BCL9: variants seen among roughly 807,000 people sequenced by gnomAD.
BCL9 encodes the protein B-cell CLL/lymphoma 9 protein.
In BCL9, 25 loss-of-function variants were observed where a neutral mutation model predicts 88.5. The ratio of observed to expected loss-of-function variants is 0.28; its 90% confidence interval spans 0.21 to 0.39. BCL9 has a LOEUF of 0.39. BCL9 is among the 10% of genes least tolerant of loss of function. The pLI, the probability that BCL9 is intolerant of heterozygous loss-of-function variation, is 1.00. For missense variants in BCL9, 1,817 were observed against 1,877.8 expected (o/e 0.97, Z 0.60); for synonymous variants, 711 against 673.3 (o/e 1.06, Z -0.87).
intron 1 of BCL9, among the ~76,000 whole-genome samples, chr1:147,577,870 G>GTGTGTA (rs1318682168): frequency 3.3e-5 from 5 of 151,076 alleles, no homozygotes; most frequent in Non-Finnish European, 7.4e-5. Flanking sequence ...GTGTGTGTGT[G>GTGTGTA]TATAAATGTC....
Position 147,624,157 on chromosome 1 carries a change from G to A in BCL9, c.3479G>A (p.Gly1160Glu). 1 of 1,597,062 alleles carries A rather than the reference G, an allele frequency of 6.3e-7. No individual in the cohort carries two copies. Among genetic ancestry groups the A allele is most frequent in the Non-Finnish European group, 8.5e-7 (1 of 1,170,256 alleles). Reference protein sequence around the residue: ...QVPFPHNGPSGGQGSFPGGMG... With the variant: ...QVPFPHNGPSEGQGSFPGGMG... ...CCATTCCCTCACAATGGCCCCAGTG[G>A]GGGGCAGGGCAGCTTCCCAGGAGGG... Residue 1160 changes from glycine (G) to glutamate (E), a missense_variant, in exon 10 of 10, where the codon GGG becomes GAG. This residue lies in a region of BCL9 where 589 missense variants were observed against 686.2 expected (regional missense o/e 0.86). Coordinates refer to ENST00000234739, the MANE Select transcript of BCL9 (RefSeq NM_004326.4). This position sits in a 1 kb window ranked among gnomAD's most constrained non-coding sequence, Gnocchi z 4.4.
intron 1 of BCL9, among the ~76,000 whole-genome samples, chr1:147,587,582 A>G (rs1656672204): frequency 6.6e-6 from 1 of 151,430 alleles, no homozygotes. Flanking sequence ...CGTTTGTTTA[A>G]TTGAGTTGTA....
Position 147,622,342 on chromosome 1 carries a change from C to T in BCL9, c.2974C>T (p.Pro992Ser), listed in dbSNP as rs1337678941. The T allele has an allele frequency of 1.2e-6, 2 of 1,614,250 alleles. No individual in the cohort carries two copies. The highest frequency in any genetic ancestry group is 1.7e-5 in the Admixed American group (1 of 60,034). The change falls in exon 9 of 10, where the codon CCT becomes TCT. Residue 992 changes from proline (P) to serine (S), a missense_variant. By Grantham distance (74) the Pro-to-Ser change is moderately conservative. Around this residue, in one of 2 missense-constraint regions of BCL9, gnomAD observed 589 missense variants for 686.2 expected, o/e 0.86. Transcript: ENST00000234739. ...CCCTGGAAGTCTTCCCTCTAGTACA[C>T]CTTATACCATGCCTCCAGAGCCAAC... ...NIPGSLPSST[P>S]YTMPPEPTLS... is the part of the protein sequence containing the mutation.
chr1:147,622,233 A>G (rs1553205515), intron 8 of BCL9, 38 bp from the exon 9 acceptor site: 1 of 1,612,120 alleles, frequency 6.2e-7, no homozygotes, highest in Non-Finnish European at 8.5e-7. Flanking sequence ...AAGGAATCTA[A>G]TTCCCTGCCC....
chr1:147,609,977 A>T (rs1365578731), intron 3 of BCL9, among the ~76,000 whole-genome samples: 1 of 152,226 alleles, frequency 6.6e-6, no homozygotes, highest in Non-Finnish European at 1.5e-5. Context: ...GTACTAGAAG[A>T]AGTTGTGGAG....
chr1:147,622,285 C>G lies in BCL9; in HGVS notation c.2917C>G (p.Pro973Ala). Reference sequence around the variant, plus strand: ...CTTCCTTTTAGGTGGCCCCCCACCTCCTACAGCCAGCCAGCCTGCCTCTGT... The same window carrying G: ...CTTCCTTTTAGGTGGCCCCCCACCTGCTACAGCCAGCCAGCCTGCCTCTGT... ...GNVESGGPPP[P>A]TASQPASVNI... Residue 973 changes from proline to alanine, a missense_variant, in exon 9 of 10, where the codon CCT becomes GCT. Physicochemically the swap from Pro to Ala is conservative, Grantham distance 27. This residue lies in a region of BCL9 where 589 missense variants were observed against 686.2 expected (regional missense o/e 0.86). Transcript: ENST00000234739. The G allele has an allele frequency of 3.1e-6, 5 of 1,614,174 alleles. No homozygotes were observed. In the South Asian group the frequency reaches 5.5e-5, roughly 18 times the overall value.
At chr1:147,618,223 C>T (rs1658388716) in intron 7 of BCL9, among the ~76,000 whole-genome samples, 1 of 152,126 alleles carries the variant, frequency 6.6e-6, no homozygotes, top group Admixed American at 6.5e-5. Context: ...CCAGAGATGT[C>T]AGGCCTCCTG....
intron 1 of BCL9, among the ~76,000 whole-genome samples, chr1:147,543,993 T>G (rs962314508): frequency 5.2e-4 from 79 of 152,332 alleles, no homozygotes; most frequent in Admixed American, 4.6e-3. Context: ...GTCCACAACA[T>G]GAATTTGCAT....
chr1:147,611,911 C>T (rs1658024199), intron 4 of BCL9, 22 bp downstream of exon 4: 1 of 1,609,394 alleles, frequency 6.2e-7, no homozygotes, highest in African/African-American at 1.3e-5. Context: ...GCTGGGGCCT[C>T]TTCCTGCAGC....
At position 147,623,895 on chromosome 1, in the gene BCL9, C is replaced by G; in HGVS notation, c.3217C>G (p.Pro1073Ala). Reference sequence around the variant, plus strand: ...AATTTCAGGTCCAAACCCCGTGGTTCCGATGCCAACCCTCAGCCCAATGGG... The same window carrying G: ...AATTTCAGGTCCAAACCCCGTGGTTGCGATGCCAACCCTCAGCCCAATGGG... Reference protein sequence around the residue: ...PRISGPNPVVPMPTLSPMGMT... With the variant: ...PRISGPNPVVAMPTLSPMGMT... Residue 1073 changes from proline (P) to alanine (A), a missense_variant, in exon 10 of 10, where the codon CCG becomes GCG. Around this residue, in one of 2 missense-constraint regions of BCL9, gnomAD observed 589 missense variants for 686.2 expected, o/e 0.86. Coordinates refer to ENST00000234739, the MANE Select transcript of BCL9 (RefSeq NM_004326.4). The G allele has an allele frequency of 1.2e-6, 2 of 1,614,176 alleles. No individual in the cohort carries two copies. The highest frequency in any genetic ancestry group is 1.7e-6 in the Non-Finnish European group (2 of 1,180,032).
chr1:147,621,079 C>T (rs1553205340), intron 8 of BCL9, 22 bp downstream of exon 8: 1 of 1,592,736 alleles, frequency 6.3e-7, no homozygotes, highest in Admixed American at 1.7e-5. Context: ...TGCATCCTCA[C>T]AGTTGCACCT....
intron 1 of BCL9, among the ~76,000 whole-genome samples, chr1:147,604,422 A>G (rs587752815): frequency 6.6e-6 from 1 of 152,346 alleles, no homozygotes; most frequent in South Asian, 2.1e-4. Flanking sequence ...AAGACATGAA[A>G]CAAAAGTCCA....
chr1:147,620,810 C>A lies in BCL9; in HGVS notation c.2655C>A (p.Ser885=), dbSNP rs1415930675. ...GCTCGCCCTCGGGGAACCTCAAGTCCCCCCAGACTCCATCGCAGCTGGCAG... is the reference window on the plus strand; with the variant it reads ...GCTCGCCCTCGGGGAACCTCAAGTCACCCCAGACTCCATCGCAGCTGGCAG... The part of the protein sequence containing the change: ...MLGSPSGNLK[S]PQTPSQLAGM... The change falls in exon 8 of 10, where the codon TCC becomes TCA. Residue 885 remains serine, a synonymous_variant. Transcript: ENST00000234739. The A allele has an allele frequency of 2.4e-5, 38 of 1,614,010 alleles. No individual in the cohort carries two copies. Among genetic ancestry groups the A allele is most frequent in the Non-Finnish European group, 3.1e-5 (37 of 1,180,040 alleles).
chr1:147,547,645 A>G (rs1195146921), intron 1 of BCL9, among the ~76,000 whole-genome samples: 3 of 152,198 alleles, frequency 2.0e-5, no homozygotes, highest in Non-Finnish European at 4.4e-5. Flanking sequence ...ATGTTCCTTT[A>G]TTCTGGGTTG....
rs1657021967 is a variant in BCL9 at position 147,595,797 on chromosome 1, ATAAATGGT to A, written c.-477-8975_-477-8968del. Among the ~76,000 whole-genome samples the A allele has an allele frequency of 2.0e-5, 3 of 152,206 alleles. 1 individual carries two copies. In the South Asian group the frequency reaches 6.2e-4, roughly 32 times the overall value. ...GGTATGAAGGTCAAGAGATTTGGAG[ATAAATGGT>A]TAAAGCATGTGGAACACGTAGATTG... On this transcript the variant is annotated intron_variant, in intron 1 of 9. Transcript: ENST00000234739.
chr1:147,551,188 C>T (rs1260155544), intron 1 of BCL9, among the ~76,000 whole-genome samples: 1 of 152,208 alleles, frequency 6.6e-6, no homozygotes, highest in Non-Finnish European at 1.5e-5. Flanking sequence ...ATACCTTCAT[C>T]TCATAGTTGA....
At chr1:147,608,783 C>T (rs1657858452) in intron 3 of BCL9, among the ~76,000 whole-genome samples, 1 of 152,158 alleles carries the variant, frequency 6.6e-6, no homozygotes, top group African/African-American at 2.4e-5. Flanking sequence ...CATTATACTG[C>T]TGAGCACTTT....
chr1:147,548,320 A>G (rs1271190353), intron 1 of BCL9, among the ~76,000 whole-genome samples: 1 of 152,174 alleles, frequency 6.6e-6, no homozygotes, highest in Non-Finnish European at 1.5e-5. Flanking sequence ...TGGAGTGTTT[A>G]AGGCAACCAT....
chr1:147,621,169 T>C (rs151300442), intron 8 of BCL9, 112 bp downstream of exon 8: 30 of 1,216,048 alleles, frequency 2.5e-5, no homozygotes, highest in Middle Eastern at 3.9e-4. Context: ...AGGCAGTCTT[T>C]GTTGAAATGG....
Sources: allele counts gnomAD v4.1 joint callset (sites outside exome capture counted in the v4.1 genomes callset), GRCh38; gene constraint gnomAD v4.1.1; regional missense constraint gnomAD v4.1.1; non-coding constraint Gnocchi (gnomAD v3.1); transcripts MANE v1.5; gene names NCBI Gene and HGNC (gene_info 2026-07-23, HGNC 2026-07-21).